The following CHD8 variants were observed in gnomAD, a reference collection of about 807,000 sequenced individuals.
The protein encoded by CHD8 is ATP-dependent chromatin remodeler CHD8.
CHD8 carries 31 observed loss-of-function variants against 279.2 expected under a neutral mutation model. The observed-to-expected ratio is 0.11, with a 90% CI of 0.08 to 0.15. CHD8 has a LOEUF of 0.15. Ranked by LOEUF, CHD8 falls within the 10% of genes least tolerant of loss-of-function variation. The pLI, the probability that CHD8 is intolerant of heterozygous loss-of-function variation, is 1.00. For missense variants in CHD8, 2,146 were observed against 3,230.5 expected (o/e 0.66, Z 8.14); for synonymous variants, 1,081 against 1,139.6 (o/e 0.95, Z 1.04).
intron 5 of CHD8, among the ~76,000 whole-genome samples, chr14:21,417,865 A>AAAATAT (rs1491406256): frequency 1.0e-5 from 1 of 98,358 alleles, no homozygotes; most frequent in African/African-American, 3.6e-5. Context: ...AAAAAAAAAA[A>AAAATAT]ATATATATAT....
At chr14:21,424,475 T>C (rs1889211663) in intron 5 of CHD8, among the ~76,000 whole-genome samples, 1 of 152,146 alleles carries the variant, frequency 6.6e-6, no homozygotes, top group Non-Finnish European at 1.5e-5. Context: ...TCTTTTGTTT[T>C]GTTTTGTTTT....
chr14:21,395,247 C>T, intron 29 of CHD8, 51 bp downstream of exon 29: 2 of 1,541,048 alleles, frequency 1.3e-6, no homozygotes, highest in Non-Finnish European at 1.8e-6. Context: ...GTGAATAATT[C>T]CCCAACCCAC....
At chr14:21,452,215 AT>A (rs1241972521) in intron 1 of CHD8, among the ~76,000 whole-genome samples, 7 of 152,004 alleles carry the variant, frequency 4.6e-5, no homozygotes, top group Admixed American at 3.3e-4. Flanking sequence ...TAATTTTTGT[AT>A]TTTTTTAAGT....
Position 21,402,884 on chromosome 14 carries a change from CCCTGA to C in CHD8, c.3714+128_3714+132del. Reference sequence around the variant, plus strand: ...CGTTTACAGAAAACGTTTGCTGATTCCCTGACCTAACTGCCACCCTTAACTAAGGA... The same window carrying C: ...CGTTTACAGAAAACGTTTGCTGATTCCCTAACTGCCACCCTTAACTAAGGA... On this transcript the variant is annotated intron_variant, in intron 18 of 37. Transcript: ENST00000646647. The surrounding 1 kb of genome is among the most constrained non-coding windows in gnomAD (Gnocchi z 4.5). The C allele has an allele frequency of 1.4e-6, 1 of 715,948 alleles. No individual in the cohort carries two copies. Among genetic ancestry groups the C allele is most frequent in the Non-Finnish European group, 2.3e-6 (1 of 440,114 alleles). 44.3% of individuals were successfully genotyped at this position (715,948 alleles called of 1,614,324 possible). A position where few individuals can be genotyped will look rare whatever the true frequency, so the allele number is the denominator to read the frequency against.
chr14:21,404,119 C>T (rs1466864222), intron 16 of CHD8, among the ~76,000 whole-genome samples: 4 of 148,360 alleles, frequency 2.7e-5, no homozygotes, highest in Admixed American at 6.8e-5. Context: ...AAAAATCAGC[C>T]GGGTTCAGTG....
chr14:21,413,859 T>C (rs1430079710), intron 9 of CHD8: 3 of 155,340 alleles, frequency 1.9e-5, no homozygotes, highest in South Asian at 2.0e-4. Context: ...TCTTCACTCA[T>C]CTTGCTCCAG....
intron 34 of CHD8, 103 bp from the exon 35 acceptor site, chr14:21,392,049 A>G (rs61603009): frequency 9.4e-6 from 8 of 854,272 alleles, no homozygotes; most frequent in Admixed American, 3.4e-5. Flanking sequence ...CTCTTGCCCA[A>G]TGATGGTGAG....
chr14:21,391,693 G>A, intron 35 of CHD8, 51 bp from the exon 36 acceptor site: 2 of 1,518,966 alleles, frequency 1.3e-6, no homozygotes, highest in Non-Finnish European at 1.8e-6. Context: ...TTTGGGGGAG[G>A]GAGGGAGGGG....
rs1887944826 is a variant in CHD8, at chr14:21,399,639, C to T, written c.4884G>A (p.Glu1628=). Residue 1628 remains glutamate (E), a synonymous_variant, in exon 26 of 38, where the codon GAG becomes GAA. Coordinates refer to ENST00000646647, the MANE Select transcript of CHD8 (RefSeq NM_001170629.2). ...LEVPTTWWDS[E]ADKSLLIGVF... Reference sequence around the variant, plus strand: ...CTCCAATGAGCAGCGACTTGTCAGCCTCACTGTCCCACCAAGTTGTTGGAA... The same window carrying T: ...CTCCAATGAGCAGCGACTTGTCAGCTTCACTGTCCCACCAAGTTGTTGGAA... 1.2e-6 allele frequency: 2 copies of T among 1,613,768 alleles called. No homozygotes were observed. Among genetic ancestry groups the T allele is most frequent in the Non-Finnish European group, 1.7e-6 (2 of 1,179,680 alleles).
chr14:21,395,970 C>T, intron 27 of CHD8, 78 bp from the exon 28 acceptor site: 1 of 853,694 alleles, frequency 1.2e-6, no homozygotes, highest in Non-Finnish European at 2.0e-6. Context: ...GAAGACCTAG[C>T]CACACATATA....
At chr14:21,441,720 C>G (rs1179337365) in intron 1 of CHD8, among the ~76,000 whole-genome samples, 2 of 151,816 alleles carry the variant, frequency 1.3e-5, no homozygotes, top group Non-Finnish European at 2.9e-5. Flanking sequence ...AACCCCGTCT[C>G]TACTAAAAAT....
At chr14:21,455,324 C>A (rs866782248) in intron 1 of CHD8, among the ~76,000 whole-genome samples, 33 of 152,158 alleles carry the variant, frequency 2.2e-4, no homozygotes, top group Middle Eastern at 3.2e-3. Context: ...TTCCCTGCGA[C>A]ACTAGAGACA....
chr14:21,409,987 G>C lies in CHD8; in HGVS notation c.2228C>G (p.Pro743Arg). The change falls in exon 11 of 38, where the codon CCC becomes CGC. Residue 743 changes from proline to arginine, a missense_variant and splice_region_variant. Transcript: ENST00000646647. ...CCATTTCACCAGGTAGTAAATAACG[G>C]GCTAGGAGAGAAGAAACCAAAGCCT... ...SHSIDKDNGE[P>R]VIYYLVKWCS... The C allele has an allele frequency of 6.2e-7, 1 of 1,606,406 alleles. No homozygotes were observed. Among genetic ancestry groups the C allele is most frequent in the Non-Finnish European group, 8.5e-7 (1 of 1,176,516 alleles).
chr14:21,427,730 C>G (rs921349393), intron 4 of CHD8, 139 bp downstream of exon 4: 13 of 1,519,256 alleles, frequency 8.6e-6, no homozygotes, highest in Non-Finnish European at 1.1e-5. Flanking sequence ...GTAAGGAGCA[C>G]TCACTTGAGC....
intron 7 of CHD8, 136 bp from the exon 8 acceptor site, chr14:21,415,129 T>G: frequency 1.6e-6 from 1 of 642,700 alleles, no homozygotes; most frequent in Non-Finnish European, 2.7e-6. Flanking sequence ...AAGGAACTAG[T>G]CTGGTACTTC....
rs573166520 is a variant in CHD8 at position 21,400,821 on chromosome 14, T to C, written c.4370+54A>G. ...ATTTGAAAGGCAAACCAAGAGTATC[T>C]ATCAGGATGGAGATGCACTATGCAC... On this transcript the variant is annotated intron_variant, in intron 22 of 37. Transcript: ENST00000646647. This position sits in a 1 kb window ranked among gnomAD's most constrained non-coding sequence, Gnocchi z 4.2. 43 of 1,488,738 alleles carry C rather than the reference T, an allele frequency of 2.9e-5. No individual in the cohort carries two copies. In the African/African-American group the frequency reaches 4.9e-4, roughly 17 times the overall value. 92.2% of individuals were successfully genotyped at this position (1,488,738 alleles called of 1,614,324 possible).
intron 30 of CHD8, 165 bp from the exon 31 acceptor site, chr14:21,394,650 C>T (rs1044321372): frequency 7.3e-6 from 4 of 551,176 alleles, no homozygotes; most frequent in Non-Finnish European, 1.2e-5. Flanking sequence ...GTGAGAGGTA[C>T]TCTGTAATGA....
At chr14:21,451,599 A>G (rs1015502681) in intron 1 of CHD8, among the ~76,000 whole-genome samples, 2 of 149,578 alleles carry the variant, frequency 1.3e-5, no homozygotes, top group South Asian at 4.2e-4. Context: ...AAAAAAAAAA[A>G]AAGTAATTAT....
In CHD8 at chr14:21,385,735, C is replaced by T; in HGVS notation, c.7624G>A (p.Glu2542Lys). ...PPLQPEEDDD[E>K]DEEDDDDLSQ... ...AAGTCATCATCATCTTCTTCATCCT[C>T]ATCGTCATCCTCCTCAGGTTGCAGT... Residue 2542 changes from glutamate to lysine, a missense_variant, in exon 38 of 38, where the codon GAG becomes AAG. Transcript: ENST00000646647. The T allele has an allele frequency of 6.4e-7, 1 of 1,551,634 alleles. No homozygotes were observed.
Sources: allele counts gnomAD v4.1 joint callset (sites outside exome capture counted in the v4.1 genomes callset), GRCh38; gene constraint gnomAD v4.1.1; non-coding constraint Gnocchi (gnomAD v3.1); transcripts MANE v1.5; gene names NCBI Gene and HGNC (gene_info 2026-07-23, HGNC 2026-07-21).